NKAIN2: variants seen among roughly 807,000 people sequenced by gnomAD.
NKAIN2 encodes sodium/potassium-transporting ATPase subunit beta-1-interacting protein 2.
A neutral mutation model predicts 32.6 loss-of-function variants in NKAIN2; 14 were observed. That is an observed-to-expected ratio of 0.43 (90% CI 0.28 to 0.67). The LOEUF is 0.67. Ranked by LOEUF, NKAIN2 falls within the 30% of genes least tolerant of loss-of-function variation. The pLI is 0.17. For missense variants in NKAIN2, 198 were observed against 258.3 expected, an observed-to-expected ratio of 0.77 and a Z score of 1.60; for synonymous variants, 80 against 87.2, an observed-to-expected ratio of 0.92 and a Z score of 0.46.
intron 1 of NKAIN2, among the ~76,000 whole-genome samples, chr6:124,077,099 G>A (rs116952281): frequency 1.3e-5 from 2 of 152,244 alleles, no homozygotes; most frequent in East Asian, 3.9e-4. Flanking sequence ...ATATACTTGA[G>A]ACATCTTGAA....
intron 3 of NKAIN2, among the ~76,000 whole-genome samples, chr6:124,536,728 C>T (rs975585724): frequency 3.9e-5 from 6 of 152,194 alleles, no homozygotes; most frequent in Admixed American, 1.3e-4. Context: ...ACCTCTCTCA[C>T]GCTTCTTTGC....
chr6:124,105,626 G>A (rs1389132293), intron 1 of NKAIN2, among the ~76,000 whole-genome samples: 1 of 152,126 alleles, frequency 6.6e-6, no homozygotes, highest in Non-Finnish European at 1.5e-5. Context: ...ATAAAAAGAT[G>A]GATTTAAGGG....
chr6:124,175,277 T>G (rs1789099489), intron 1 of NKAIN2, among the ~76,000 whole-genome samples: 1 of 152,140 alleles, frequency 6.6e-6, no homozygotes, highest in Admixed American at 6.5e-5. Flanking sequence ...GACTGCATAC[T>G]AGGCTGCACA....
chr6:124,040,182 T>G (rs2114807490), intron 1 of NKAIN2, among the ~76,000 whole-genome samples: 1 of 152,152 alleles, frequency 6.6e-6, no homozygotes, highest in East Asian at 1.9e-4. Context: ...CTTAGACATA[T>G]TTTATTATTT....
intron 1 of NKAIN2, among the ~76,000 whole-genome samples, chr6:124,151,786 T>C (rs977860717): frequency 2.0e-5 from 3 of 152,028 alleles, no homozygotes; most frequent in Admixed American, 6.6e-5. Flanking sequence ...TTATGCATCT[T>C]GATATTATCT....
At chr6:124,370,996 C>T (rs907026785) in intron 3 of NKAIN2, among the ~76,000 whole-genome samples, 5 of 152,102 alleles carry the variant, frequency 3.3e-5, no homozygotes, top group African/African-American at 7.2e-5. Flanking sequence ...TATTTTCTAA[C>T]GCATTTCTGC....
At chr6:124,566,573 T>C (rs1433859112) in intron 3 of NKAIN2, among the ~76,000 whole-genome samples, 1 of 152,166 alleles carries the variant, frequency 6.6e-6, no homozygotes, top group Admixed American at 6.6e-5. Context: ...CTTACACCAC[T>C]GTTTACTAAA....
intron 1 of NKAIN2, among the ~76,000 whole-genome samples, chr6:123,999,941 C>G (rs5879712): frequency 0.36 from 54,296 of 151,848 alleles, 9,950 homozygotes; most frequent in East Asian, 0.42. Context: ...ATCAGTGTCT[C>G]ATATATTCAT....
chr6:123,846,590 A>C (rs1382195569), intron 1 of NKAIN2, among the ~76,000 whole-genome samples: 2 of 152,206 alleles, frequency 1.3e-5, no homozygotes, highest in Non-Finnish European at 2.9e-5. Flanking sequence ...TGTTAATAGG[A>C]AGAAAAAATG....
At chr6:124,157,262 CACACAT>C (rs754574628) in intron 1 of NKAIN2, among the ~76,000 whole-genome samples, 3,664 of 100,302 alleles carry the variant, frequency 0.037, 59 homozygotes, top group Middle Eastern at 0.063. Context: ...CACACACACA[CACACAT>C]ACACACACAC....
At chr6:123,858,061 G>A (rs1259357576) in intron 1 of NKAIN2, among the ~76,000 whole-genome samples, 2 of 152,032 alleles carry the variant, frequency 1.3e-5, no homozygotes, top group Admixed American at 1.3e-4. Flanking sequence ...GGGAAGAAAG[G>A]AATTTAAATA....
At chr6:124,164,547 C>G (rs1469935675) in intron 1 of NKAIN2, among the ~76,000 whole-genome samples, 1 of 152,066 alleles carries the variant, frequency 6.6e-6, no homozygotes, top group African/African-American at 2.4e-5. Flanking sequence ...GTGGTGGTGT[C>G]TAATTCGATT....
intron 1 of NKAIN2, among the ~76,000 whole-genome samples, chr6:123,908,386 A>G (rs1422392358): frequency 6.6e-6 from 1 of 152,210 alleles, no homozygotes; most frequent in African/African-American, 2.4e-5. Context: ...TCTTGCTAGC[A>G]CATCCAAACA....
rs555124879 is a variant in NKAIN2, at chr6:124,313,099, G to A, written c.192+29957G>A. Among the ~76,000 whole-genome samples the A allele has an allele frequency of 6.6e-5, 10 of 152,196 alleles. No homozygotes were observed. The East Asian group carries it at 1.7e-3, about 26-fold the overall frequency. ...ATTTATACATATAATATCACAGTCA[G>A]TATGTATGAAAATTTTGTAAGAAAA... On this transcript the variant is annotated intron_variant, in intron 2 of 6. Coordinates refer to ENST00000368417, the MANE Select transcript of NKAIN2 (RefSeq NM_001040214.3).
At chr6:124,269,379 C>A (rs1253162091) in intron 1 of NKAIN2, among the ~76,000 whole-genome samples, 1 of 152,178 alleles carries the variant, frequency 6.6e-6, no homozygotes, top group South Asian at 2.1e-4. Flanking sequence ...TAAAACGTCC[C>A]TGCAGCCATC....
At chr6:124,233,589 C>T (rs1792576826) in intron 1 of NKAIN2, among the ~76,000 whole-genome samples, 1 of 152,154 alleles carries the variant, frequency 6.6e-6, no homozygotes, top group South Asian at 2.1e-4. Flanking sequence ...TTTAAGAAAA[C>T]ATGGTGAAAA....
rs60189624 is a variant in NKAIN2 at position 123,976,372 on chromosome 6, CATAT to C, written c.54+172159_54+172162del. Reference sequence around the variant, plus strand: ...CCATATATATATATATATATATTCCCATATATATATATATATATATATATATATA... The same window carrying C: ...CCATATATATATATATATATATTCCCATATATATATATATATATATATATA... On this transcript the variant is annotated intron_variant, in intron 1 of 6. Coordinates refer to ENST00000368417, the MANE Select transcript of NKAIN2 (RefSeq NM_001040214.3). Among the ~76,000 whole-genome samples the C allele has an allele frequency of 5.4e-3, 59 of 10,896 alleles. 1 individual carries two copies. The highest frequency in any genetic ancestry group is 0.016 in the South Asian group (3 of 190). The allele number at this position is 10,896 out of a possible 152,430, so 7.1% of individuals were successfully genotyped here. A position where few individuals can be genotyped will look rare whatever the true frequency, so the allele number is the denominator to read the frequency against.
intron 1 of NKAIN2, among the ~76,000 whole-genome samples, chr6:123,900,543 T>TG (rs1774524355): frequency 2.1e-5 from 2 of 96,116 alleles, no homozygotes; most frequent in Non-Finnish European, 3.6e-5. Context: ...TTTTTTTTTT[T>TG]TTTTTTTTTT....
intron 4 of NKAIN2, among the ~76,000 whole-genome samples, chr6:124,732,350 G>A (rs1164142531): frequency 2.0e-5 from 3 of 152,052 alleles, no homozygotes; most frequent in Non-Finnish European, 1.5e-5. Flanking sequence ...AATAGGACAG[G>A]GTTTGGTGAA....
Sources: allele counts gnomAD v4.1 joint callset (sites outside exome capture counted in the v4.1 genomes callset), GRCh38; gene constraint gnomAD v4.1.1; transcripts MANE v1.5; gene names NCBI Gene and HGNC (gene_info 2026-07-23, HGNC 2026-07-21).